FAAH2: variants seen among roughly 807,000 people sequenced by gnomAD.
FAAH2 encodes the protein fatty-acid amide hydrolase 2.
Under a neutral mutation model 36.9 loss-of-function variants are expected in FAAH2, and 60 were observed. The observed-to-expected ratio is 1.63, with a 90% CI of 1.32 to 2.02. The LOEUF (loss-of-function observed/expected upper bound fraction) is 2.02. Among genes scored for constraint, FAAH2 ranks in the 30% most tolerant of loss-of-function variants. The probability of loss-of-function intolerance (pLI) is 0.00; values close to 1 mark genes in which losing one functional copy is unlikely to be tolerated. For synonymous variants in FAAH2, 214 were observed against 143.8 expected (o/e 1.49, Z -3.49); for missense variants, 689 against 397.5 (o/e 1.73, Z -6.23).
intron 7 of FAAH2, among the ~76,000 whole-genome samples, chrX:57,391,428 A>T (rs2055164693): frequency 9.3e-6 from 1 of 107,791 alleles, no homozygotes; most frequent in African/African-American, 3.4e-5. Context: ...TTTTCTTAGG[A>T]TTTTTCTTGT....
chrX:57,422,112 C>T (rs2352862), intron 7 of FAAH2, among the ~76,000 whole-genome samples: 5 of 110,470 alleles, frequency 4.5e-5, no homozygotes, highest in African/African-American at 6.6e-5. Context: ...CAATAGCTCT[C>T]TACCAGATAC....
chrX:57,356,231 G>C (rs1471317695), intron 5 of FAAH2, among the ~76,000 whole-genome samples: 1 of 110,599 alleles, frequency 9.0e-6, no homozygotes, highest in Non-Finnish European at 1.9e-5. Context: ...TAGTTTTCTT[G>C]TAGTAACAGT....
At chrX:57,406,602 G>A (rs1335871712) in intron 7 of FAAH2, among the ~76,000 whole-genome samples, 1 of 112,480 alleles carries the variant, frequency 8.9e-6, no homozygotes, top group Non-Finnish European at 1.9e-5. Flanking sequence ...ATAACCTTCA[G>A]TTCAGATATA....
chrX:57,266,991 C>T, the FAAH2 span, among the ~76,000 whole-genome samples: 3 of 112,051 alleles, frequency 2.7e-5, no homozygotes, highest in Admixed American at 2.8e-4. Flanking sequence ...CTGAGCACTC[C>T]TTGGTCTGCT....
chrX:57,138,743 A>G, the FAAH2 span, among the ~76,000 whole-genome samples: 1 of 111,366 alleles, frequency 9.0e-6, no homozygotes, highest in Non-Finnish European at 1.9e-5. Flanking sequence ...TGTCTTTTTG[A>G]TAATAGCCAT....
the FAAH2 span, among the ~76,000 whole-genome samples, chrX:57,236,456 C>A: frequency 1.8e-5 from 2 of 112,276 alleles, no homozygotes; most frequent in Non-Finnish European, 3.8e-5. Flanking sequence ...ACAATCCTAG[C>A]AGTAGTGTAC....
At chrX:57,382,109 G>A (rs1157895001) in intron 7 of FAAH2, among the ~76,000 whole-genome samples, 1 of 111,506 alleles carries the variant, frequency 9.0e-6, no homozygotes, top group Non-Finnish European at 1.9e-5. Context: ...CAGAAAAAAA[G>A]ATGTTCTTTG....
the FAAH2 span, among the ~76,000 whole-genome samples, chrX:57,228,408 G>T: frequency 2.7e-5 from 3 of 111,488 alleles, no homozygotes; most frequent in East Asian, 8.5e-4. Context: ...CCCACAAACA[G>T]ACCTTCAGCT....
chrX:57,393,589 G>T, intron 7 of FAAH2: 1 of 906,865 alleles, frequency 1.1e-6, no homozygotes, highest in Non-Finnish European at 1.6e-6. Context: ...GATTGGGCTT[G>T]ATTGTGTCCT....
chrX:57,136,155 C>T, the FAAH2 span: 1 of 1,210,686 alleles, frequency 8.3e-7, no homozygotes, highest in East Asian at 3.0e-5. Context: ...GACCATCCCC[C>T]TCCATTCATC....
chrX:57,318,986 A>C (rs1448727043), intron 3 of FAAH2, among the ~76,000 whole-genome samples: 1 of 111,496 alleles, frequency 9.0e-6, no homozygotes, highest in Non-Finnish European at 1.9e-5. Flanking sequence ...CATGCTAAAA[A>C]CTCTCAATAA....
intron 7 of FAAH2, among the ~76,000 whole-genome samples, chrX:57,405,168 C>T (rs866857257): frequency 9.0e-6 from 1 of 111,716 alleles, no homozygotes. Context: ...ATATTACTCA[C>T]CACTTTGGAG....
chrX:57,134,905 G>T, the FAAH2 span: 20 of 111,812 alleles, frequency 1.8e-4, no homozygotes, highest in African/African-American at 6.5e-4. Context: ...TGATTAACTT[G>T]ACTGAGTCAT....
chrX:57,484,597 A>G (rs1429126993), intron 10 of FAAH2, among the ~76,000 whole-genome samples: 1 of 111,541 alleles, frequency 9.0e-6, no homozygotes, highest in Non-Finnish European at 1.9e-5. Context: ...TTTGAAGCAG[A>G]ATATATTTAC....
rs186484757 is a variant in FAAH2, at chrX:57,374,950, C to T, written c.743-3701C>T. 1.4e-4 allele frequency among the ~76,000 whole-genome samples: 16 copies of T among 111,520 alleles called. No individual in the cohort carries two copies. In the East Asian group the frequency reaches 4.2e-3, roughly 29 times the overall value. ...CTGAATTTTGTCAGATGCTTTTCTG[C>T]GTCTATCAAGAAGATCATGCGATTT... is the stretch of plus-strand genomic sequence containing the variant. On this transcript the variant is annotated intron_variant, in intron 5 of 10. Transcript: ENST00000374900.
rs752946710 is a variant in FAAH2, at chrX:57,331,650, A to T, written c.465A>T (p.Thr155=). 3 of 1,209,862 alleles carry T rather than the reference A, an allele frequency of 2.5e-6. No homozygotes were observed. In the Admixed American group the frequency reaches 6.6e-5, roughly 26 times the overall value. Reference sequence around the variant, plus strand: ...ACCGTCGTGATGCCATTGCCAAAACAGATGCCACTGTGGTGGCATTACTGA... The same window carrying T: ...ACCGTCGTGATGCCATTGCCAAAACTGATGCCACTGTGGTGGCATTACTGA... The part of the protein sequence containing the change: ...LMNRRDAIAK[T]DATVVALLKG... The change falls in exon 4 of 11, where the codon ACA becomes ACT. Residue 155 remains threonine, a synonymous_variant. Transcript: ENST00000374900.
intron 4 of FAAH2, among the ~76,000 whole-genome samples, chrX:57,337,482 AT>A (rs1225259191): frequency 8.9e-6 from 1 of 111,936 alleles, no homozygotes; most frequent in African/African-American, 3.2e-5. Flanking sequence ...AAGATTCTTG[AT>A]GAACATCAAT....
intron 10 of FAAH2, among the ~76,000 whole-genome samples, chrX:57,479,810 C>A (rs1293189144): frequency 9.0e-6 from 1 of 111,078 alleles, no homozygotes; most frequent in Admixed American, 9.7e-5. Context: ...CCTTGCATCC[C>A]AGGGATGAAA....
the FAAH2 span, among the ~76,000 whole-genome samples, chrX:57,260,939 G>A: frequency 8.9e-6 from 1 of 111,797 alleles, no homozygotes; most frequent in East Asian, 2.8e-4. Flanking sequence ...TTCATACACT[G>A]CTGTTGGGAA....
Sources: gnomAD v4.1 joint callset for allele counts (sites outside exome capture counted in the v4.1 genomes callset) on GRCh38, gnomAD v4.1.1 for gene constraint, MANE v1.5 for transcripts, NCBI Gene and HGNC (gene_info 2026-07-23, HGNC 2026-07-21) for gene names.